Variants in METTL15 observed in about 807,000 individuals in gnomAD.
The protein encoded by METTL15 is 12S rRNA N(4)-cytidine methyltransferase METTL15.
In METTL15, 34 loss-of-function variants were observed where a neutral mutation model predicts 38.3. That is an observed-to-expected ratio of 0.89 (90% confidence interval 0.68 to 1.18). The LOEUF (loss-of-function observed/expected upper bound fraction) is 1.18, where lower values mean the gene tolerates loss of function less well. Ranked by LOEUF, METTL15 falls within the 50% of genes most tolerant of loss-of-function variation. The pLI, the probability that METTL15 is intolerant of heterozygous loss-of-function variation, is 0.00. For missense variants in METTL15, 438 were observed against 498.4 expected (o/e 0.88, Z 1.15); for synonymous variants, 162 against 170.9 (o/e 0.95, Z 0.41).
chr11:28,394,609 T>A (rs147508043), intron 5 of METTL15, among the ~76,000 whole-genome samples: 21 of 152,104 alleles, frequency 1.4e-4, no homozygotes, highest in African/African-American at 4.8e-4. Context: ...TGCTGGGAGG[T>A]CCACATGCAC....
At chr11:28,429,686 T>C (rs1850897658) in intron 6 of METTL15, among the ~76,000 whole-genome samples, 1 of 49,372 alleles carries the variant, frequency 2.0e-5, no homozygotes, top group African/African-American at 8.2e-5. Flanking sequence ...TGGAGTGCAG[T>C]GGCGTGATCT....
At chr11:28,455,661 A>G (rs1226162419) in intron 6 of METTL15, among the ~76,000 whole-genome samples, 1 of 152,168 alleles carries the variant, frequency 6.6e-6, no homozygotes, top group Non-Finnish European at 1.5e-5. Context: ...TCTCCCTGTG[A>G]AACTGTACTA....
chr11:28,304,478 G>T (rs1303772517), intron 6 of METTL15, among the ~76,000 whole-genome samples: 1 of 152,106 alleles, frequency 6.6e-6, no homozygotes, highest in Non-Finnish European at 1.5e-5. Context: ...AGCACTTTGG[G>T]AGGCCAAAGC....
intron 6 of METTL15, among the ~76,000 whole-genome samples, chr11:28,322,419 A>G (rs1234648216): frequency 6.6e-6 from 1 of 152,106 alleles, no homozygotes; most frequent in African/African-American, 2.4e-5. Flanking sequence ...AAGATGTCCA[A>G]CCTTACTAAT....
intron 3 of METTL15, among the ~76,000 whole-genome samples, chr11:28,143,263 G>A (rs1001932876): frequency 6.6e-6 from 1 of 152,116 alleles, no homozygotes; most frequent in Non-Finnish European, 1.5e-5. Flanking sequence ...CATAACCCAT[G>A]TGATACAGTC....
intron 3 of METTL15, among the ~76,000 whole-genome samples, chr11:28,349,063 A>T (rs942970678): frequency 6.6e-6 from 1 of 152,226 alleles, no homozygotes; most frequent in South Asian, 2.1e-4. Context: ...GCAGATAGCT[A>T]GGAACCACAT....
At chr11:28,398,250 A>G (rs985706920) in intron 5 of METTL15, among the ~76,000 whole-genome samples, 1 of 152,068 alleles carries the variant, frequency 6.6e-6, no homozygotes, top group African/African-American at 2.4e-5. Context: ...AAAAGGATAA[A>G]TGAAACAAAA....
chr11:28,125,009 A>C (rs145302865), intron 3 of METTL15, among the ~76,000 whole-genome samples: 106 of 152,212 alleles, frequency 7.0e-4, no homozygotes, highest in African/African-American at 2.3e-3. Context: ...TATGAATGAA[A>C]ATGTAAGTAA....
chr11:28,499,518 T>C (rs1443571041), intron 6 of METTL15, among the ~76,000 whole-genome samples: 2 of 152,240 alleles, frequency 1.3e-5, no homozygotes, highest in Non-Finnish European at 2.9e-5. Context: ...TTTCAATTTC[T>C]GTACCAAGAT....
intron 4 of METTL15, among the ~76,000 whole-genome samples, chr11:28,289,741 A>G (rs542173511): frequency 1.3e-5 from 2 of 152,282 alleles, no homozygotes; most frequent in African/African-American, 4.8e-5. Flanking sequence ...AATTTATAGG[A>G]AAAACATGGA....
chr11:28,259,835 G>A (rs1855127675), intron 4 of METTL15, among the ~76,000 whole-genome samples: 1 of 152,184 alleles, frequency 6.6e-6, no homozygotes, highest in Admixed American at 6.5e-5. Flanking sequence ...TTATGCAGGT[G>A]CTTTTCTTGT....
intron 3 of METTL15, among the ~76,000 whole-genome samples, chr11:28,167,060 T>C (rs1304080605): frequency 6.6e-6 from 1 of 152,250 alleles, no homozygotes; most frequent in Non-Finnish European, 1.5e-5. Context: ...TTTGTTCTTT[T>C]GTTTGTCCTT....
chr11:28,119,772 A>G (rs1343754332), intron 3 of METTL15, among the ~76,000 whole-genome samples: 1 of 152,172 alleles, frequency 6.6e-6, no homozygotes, highest in Non-Finnish European at 1.5e-5. Context: ...TGTTTTATTT[A>G]AAAATCTTTG....
At chr11:28,408,244 A>G (rs949043300) in intron 5 of METTL15, among the ~76,000 whole-genome samples, 1 of 152,196 alleles carries the variant, frequency 6.6e-6, no homozygotes, top group Non-Finnish European at 1.5e-5. Context: ...TAGGCGCAGC[A>G]CACCACCATG....
At chr11:28,328,800 A>C (rs1466819413) in intron 6 of METTL15, among the ~76,000 whole-genome samples, 1 of 152,096 alleles carries the variant, frequency 6.6e-6, no homozygotes, top group African/African-American at 2.4e-5. Context: ...ATGTTTTAAA[A>C]TATGATATAA....
At chr11:28,467,020 C>A (rs903044619) in intron 6 of METTL15, among the ~76,000 whole-genome samples, 5 of 152,186 alleles carry the variant, frequency 3.3e-5, no homozygotes, top group African/African-American at 1.2e-4. Flanking sequence ...GGTGGCCTGG[C>A]CTGAAATATC....
At chr11:28,509,086 C>T (rs1475317852) in intron 6 of METTL15, among the ~76,000 whole-genome samples, 2 of 152,176 alleles carry the variant, frequency 1.3e-5, no homozygotes, top group Non-Finnish European at 2.9e-5. Context: ...GTTAAAAGGC[C>T]TCTGTGGCAC....
intron 5 of METTL15, among the ~76,000 whole-genome samples, chr11:28,378,237 G>A (rs544157237): frequency 2.0e-4 from 31 of 152,292 alleles, no homozygotes; most frequent in South Asian, 1.2e-3. Context: ...GGGCAATGGC[G>A]GGCGCCCCTC....
intron 4 of METTL15, among the ~76,000 whole-genome samples, chr11:28,287,987 G>A (rs946517738): frequency 6.6e-6 from 1 of 152,012 alleles, no homozygotes; most frequent in African/African-American, 2.4e-5. Flanking sequence ...TCTTCCCTTC[G>A]GCTGGGAGGG....
Sources: allele counts gnomAD v4.1 joint callset (sites outside exome capture counted in the v4.1 genomes callset), GRCh38; gene constraint gnomAD v4.1.1; transcripts MANE v1.5; gene names NCBI Gene and HGNC (gene_info 2026-07-23, HGNC 2026-07-21).